The following SOX5 variants were observed in gnomAD, a reference collection of about 807,000 sequenced individuals.
SOX5 encodes the protein SRY-box transcription factor 5.
A neutral mutation model predicts 92.0 loss-of-function variants in SOX5; 9 were observed. That is an observed-to-expected ratio of 0.10 (90% confidence interval 0.06 to 0.17). SOX5 has a LOEUF of 0.17. Among genes scored for constraint, SOX5 ranks in the 10% least tolerant of loss-of-function variants. The probability of loss-of-function intolerance (pLI) is 1.00; values close to 1 mark genes in which losing one functional copy is unlikely to be tolerated. For missense variants in SOX5, 642 were observed against 944.5 expected (o/e 0.68, Z 4.20); for synonymous variants, 344 against 336.3 (o/e 1.02, Z -0.25).
chr12:24,137,322 C>A (rs1482441975), intron 4 of SOX5, among the ~76,000 whole-genome samples: 1 of 152,090 alleles, frequency 6.6e-6, no homozygotes, highest in East Asian at 1.9e-4. Flanking sequence ...ATATCAAGCT[C>A]CCTTTGCTGA....
intron 2 of SOX5, among the ~76,000 whole-genome samples, chr12:23,870,094 A>T (rs930631218): frequency 2.0e-5 from 3 of 152,036 alleles, no homozygotes; most frequent in Admixed American, 6.6e-5. Context: ...CTTTCCCACA[A>T]TTTTTTCCTA....
At chr12:23,608,824 A>G (rs907276592) in intron 8 of SOX5, among the ~76,000 whole-genome samples, 1 of 152,194 alleles carries the variant, frequency 6.6e-6, no homozygotes, top group African/African-American at 2.4e-5. Flanking sequence ...ATAATTATTA[A>G]TGGATTAAAT....
At chr12:23,703,323 C>A (rs1407450742) in intron 6 of SOX5, among the ~76,000 whole-genome samples, 4 of 151,940 alleles carry the variant, frequency 2.6e-5, no homozygotes, top group African/African-American at 7.2e-5. Flanking sequence ...AGTATTGCTC[C>A]CTGAGCTAGA....
intron 1 of SOX5, among the ~76,000 whole-genome samples, chr12:23,922,060 G>A (rs1938436970): frequency 6.6e-6 from 1 of 152,064 alleles, no homozygotes; most frequent in Non-Finnish European, 1.5e-5. Flanking sequence ...CGAAACACCA[G>A]ACAACTCCCC....
intron 3 of SOX5, among the ~76,000 whole-genome samples, chr12:23,822,167 T>C (rs1211716107): frequency 6.6e-6 from 1 of 152,152 alleles, no homozygotes; most frequent in Admixed American, 6.5e-5. Context: ...TCCGCTAGCT[T>C]TTGAATTTGT....
intron 2 of SOX5, among the ~76,000 whole-genome samples, chr12:24,282,514 A>G (rs1425032266): frequency 2.3e-5 from 3 of 129,088 alleles, no homozygotes; most frequent in African/African-American, 5.7e-5. Context: ...AGCAAGAAGC[A>G]TAAGAAAAAC....
intron 4 of SOX5, among the ~76,000 whole-genome samples, chr12:24,031,797 G>C (rs1448828497): frequency 1.3e-5 from 2 of 151,752 alleles, no homozygotes; most frequent in African/African-American, 4.8e-5. Context: ...AGTATGGCTG[G>C]AGATAACAAT....
chr12:23,837,337 A>G (rs1447569337), intron 3 of SOX5, among the ~76,000 whole-genome samples: 3 of 73,110 alleles, frequency 4.1e-5, no homozygotes, highest in South Asian at 5.4e-4. Flanking sequence ...TATATAAGAT[A>G]TATTTATATT....
chr12:23,841,195 T>C (rs1232279128), intron 3 of SOX5, among the ~76,000 whole-genome samples: 1 of 152,040 alleles, frequency 6.6e-6, no homozygotes, highest in African/African-American at 2.4e-5. Flanking sequence ...ATTAAAGGCA[T>C]ATAAGCACAC....
At chr12:23,731,198 T>C (rs1205610969) in intron 6 of SOX5, among the ~76,000 whole-genome samples, 1 of 152,040 alleles carries the variant, frequency 6.6e-6, no homozygotes, top group Non-Finnish European at 1.5e-5. Context: ...GGCCTTGGAG[T>C]GAAAGTTGTA....
chr12:23,976,930 G>A (rs921991813), intron 4 of SOX5, among the ~76,000 whole-genome samples: 3 of 151,806 alleles, frequency 2.0e-5, no homozygotes, highest in Admixed American at 1.3e-4. Context: ...AAGGAAAGAA[G>A]GGAAAGGAGG....
intron 1 of SOX5, among the ~76,000 whole-genome samples, chr12:24,372,345 C>T (rs1012613831): frequency 6.6e-6 from 1 of 152,134 alleles, no homozygotes; most frequent in Non-Finnish European, 1.5e-5. Flanking sequence ...CATGTGTTCT[C>T]ACTGTTCAAC....
chr12:24,311,361 T>C (rs1006822171), intron 2 of SOX5, among the ~76,000 whole-genome samples: 2 of 152,216 alleles, frequency 1.3e-5, no homozygotes, highest in African/African-American at 2.4e-5. Flanking sequence ...AAATTTGTTA[T>C]GTTTTTCTTT....
At chr12:24,065,143 T>C (rs1416248429) in intron 4 of SOX5, among the ~76,000 whole-genome samples, 1 of 152,156 alleles carries the variant, frequency 6.6e-6, no homozygotes, top group African/African-American at 2.4e-5. Context: ...GTTCAGTAGA[T>C]ATCAGAAGAA....
At chr12:23,979,175 A>G (rs1949236415) in intron 4 of SOX5, among the ~76,000 whole-genome samples, 1 of 152,116 alleles carries the variant, frequency 6.6e-6, no homozygotes, top group African/African-American at 2.4e-5. Context: ...TAGGACAACT[A>G]AAAGCTGATT....
chr12:24,273,469 C>A (rs1366306670), intron 3 of SOX5, among the ~76,000 whole-genome samples: 1 of 152,108 alleles, frequency 6.6e-6, no homozygotes, highest in East Asian at 1.9e-4. Flanking sequence ...TTTATATTTA[C>A]CCCAAAAAAA....
At chr12:24,505,021 A>G in intron 1 of SOX5, among the ~76,000 whole-genome samples, 1 of 152,246 alleles carries the variant, frequency 6.6e-6, no homozygotes, top group Non-Finnish European at 1.5e-5. Context: ...AGAGACTAAA[A>G]CACCAGATTC....
At chr12:24,561,785 C>A (rs1954376104) in intron 1 of SOX5, among the ~76,000 whole-genome samples, 1 of 89,048 alleles carries the variant, frequency 1.1e-5, no homozygotes, top group South Asian at 3.5e-4. Context: ...ACGAAAGAGT[C>A]GGGAGGTGGG....
At chr12:23,586,338 G>C (rs1238482690) in intron 9 of SOX5, among the ~76,000 whole-genome samples, 1 of 152,084 alleles carries the variant, frequency 6.6e-6, no homozygotes, top group Non-Finnish European at 1.5e-5. Flanking sequence ...TCCCAAGAGA[G>C]TGGTAGGTCA....
Sources: gnomAD v4.1 joint callset for allele counts (sites outside exome capture counted in the v4.1 genomes callset) on GRCh38, gnomAD v4.1.1 for gene constraint, MANE v1.5 for transcripts, NCBI Gene and HGNC (gene_info 2026-07-23, HGNC 2026-07-21) for gene names.